Variants in SLC25A26 observed in about 807,000 individuals in gnomAD.
SLC25A26 encodes mitochondrial S-adenosylmethionine carrier protein.
A neutral mutation model predicts 37.8 loss-of-function variants in SLC25A26; 36 were observed. The ratio of observed to expected loss-of-function variants is 0.95; its 90% CI spans 0.73 to 1.26. The LOEUF (loss-of-function observed/expected upper bound fraction) is 1.26. Among genes scored for constraint, SLC25A26 ranks in the 50% most tolerant of loss-of-function variants. The pLI is 0.00. For synonymous variants in SLC25A26, 129 were observed against 122.5 expected (o/e 1.05, Z -0.35); for missense variants, 390 against 331.1 (o/e 1.18, Z -1.38).
intron 5 of SLC25A26, among the ~76,000 whole-genome samples, chr3:66,270,007 G>A (rs753694994): frequency 6.6e-6 from 1 of 152,054 alleles, no homozygotes; most frequent in African/African-American, 2.4e-5. Context: ...ACTGCTTTAA[G>A]TTTGACTTAT....
intron 5 of SLC25A26, among the ~76,000 whole-genome samples, chr3:66,295,134 CAGGCATCACTCATGTTTTG>C (rs1404310604): frequency 2.6e-5 from 4 of 152,164 alleles, no homozygotes; most frequent in Non-Finnish European, 4.4e-5. Context: ...GGATGTTAAA[CAGGCATCACTCATGTTTTG>C]AGGCATCTTG....
At chr3:66,275,452 T>G (rs151292013) in intron 5 of SLC25A26, among the ~76,000 whole-genome samples, 1 of 152,016 alleles carries the variant, frequency 6.6e-6, no homozygotes, top group African/African-American at 2.4e-5. Flanking sequence ...CTAGAATGTA[T>G]GCATCAGGAG....
At chr3:66,322,721 C>T (rs964197505) in intron 5 of SLC25A26, among the ~76,000 whole-genome samples, 2 of 152,064 alleles carry the variant, frequency 1.3e-5, no homozygotes, top group Non-Finnish European at 2.9e-5. Flanking sequence ...ATGGCTTCAA[C>T]TTCTAACTGA....
chr3:66,290,056 A>T (rs2074652440), intron 5 of SLC25A26, among the ~76,000 whole-genome samples: 2 of 152,116 alleles, frequency 1.3e-5, no homozygotes, highest in Admixed American at 6.5e-5. Flanking sequence ...TTGTAGTCCT[A>T]GGTATTTTAT....
At chr3:66,187,882 G>T (rs972974617) in intron 1 of SLC25A26, among the ~76,000 whole-genome samples, 1 of 151,954 alleles carries the variant, frequency 6.6e-6, no homozygotes, top group Non-Finnish European at 1.5e-5. Flanking sequence ...CTCTGAAGCT[G>T]AAGCTTACCC....
chr3:66,278,368 C>T (rs2107423249), intron 5 of SLC25A26, among the ~76,000 whole-genome samples: 1 of 152,140 alleles, frequency 6.6e-6, no homozygotes, highest in East Asian at 1.9e-4. Flanking sequence ...TGTAGAAGGA[C>T]TTAAGATGAA....
At chr3:66,332,085 C>T (rs902565909) in intron 5 of SLC25A26, among the ~76,000 whole-genome samples, 2 of 151,926 alleles carry the variant, frequency 1.3e-5, no homozygotes, top group Non-Finnish European at 2.9e-5. Flanking sequence ...GTGCGCGACA[C>T]CAAAAATTAG....
At chr3:66,260,627 G>T (rs573339570) in intron 3 of SLC25A26, among the ~76,000 whole-genome samples, 1 of 152,096 alleles carries the variant, frequency 6.6e-6, no homozygotes, top group Non-Finnish European at 1.5e-5. Flanking sequence ...CACATCACAT[G>T]GTGTCTTTGT....
intron 5 of SLC25A26, among the ~76,000 whole-genome samples, chr3:66,299,076 A>ATACG (rs753656247): frequency 1.3e-5 from 2 of 152,214 alleles, no homozygotes; most frequent in Non-Finnish European, 2.9e-5. Context: ...GTACACATGA[A>ATACG]TACGTACCTA....
intron 6 of SLC25A26, chr3:66,355,912 C>T: frequency 4.6e-6 from 2 of 430,496 alleles, no homozygotes; most frequent in South Asian, 3.4e-5. Flanking sequence ...TTATCCTTTC[C>T]ATTATCTTAA....
chr3:66,255,334 A>G (rs1157486009), intron 3 of SLC25A26, among the ~76,000 whole-genome samples: 2 of 152,178 alleles, frequency 1.3e-5, no homozygotes, highest in Non-Finnish European at 1.5e-5. Flanking sequence ...GCAGCAGTCA[A>G]TTAAAAACAA....
At position 66,370,513 on chromosome 3, in the gene SLC25A26, TTGTC is replaced by T. The variant is rs756517522; in HGVS notation, c.634-12_634-9del. ...GCTTCAGAAGATAACGGGTTTCTCT[TTGTC>T]TGTTCACACAGGCTGGCTCCAGCAC... On this transcript the variant is annotated splice_polypyrimidine_tract_variant and intron_variant, in intron 8 of 9. Coordinates refer to ENST00000354883, the MANE Select transcript of SLC25A26 (RefSeq NM_001379210.1). The T allele has an allele frequency of 3.1e-6, 5 of 1,611,548 alleles. No homozygotes were observed. Among genetic ancestry groups the T allele is most frequent in the Non-Finnish European group, 4.2e-6 (5 of 1,178,202 alleles).
intron 1 of SLC25A26, among the ~76,000 whole-genome samples, chr3:66,202,233 C>G (rs2071120414): frequency 6.6e-6 from 1 of 151,946 alleles, no homozygotes; most frequent in Non-Finnish European, 1.5e-5. Flanking sequence ...AAGCTGGAAG[C>G]CATCATTCTC....
intron 5 of SLC25A26, among the ~76,000 whole-genome samples, chr3:66,275,089 A>G (rs1340233395): frequency 6.6e-6 from 1 of 152,068 alleles, no homozygotes; most frequent in African/African-American, 2.4e-5. Flanking sequence ...TGATGAGTTA[A>G]TGTCCTTTGT....
intron 2 of SLC25A26, 36 bp downstream of exon 2, chr3:66,236,736 A>G (rs188508357): frequency 6.9e-7 from 1 of 1,443,086 alleles, no homozygotes; most frequent in Non-Finnish European, 9.3e-7. Flanking sequence ...TAAAGCCAAG[A>G]TAAGATGGGA....
chr3:66,244,901 C>T (rs1195537926), intron 3 of SLC25A26, among the ~76,000 whole-genome samples: 5 of 151,876 alleles, frequency 3.3e-5, no homozygotes, highest in Non-Finnish European at 4.4e-5. Context: ...GGCATGAACC[C>T]GGGAGGCAGA....
chr3:66,356,784 C>T (rs76077227), intron 6 of SLC25A26, among the ~76,000 whole-genome samples: 1,585 of 152,144 alleles, frequency 0.01, 37 homozygotes, highest in African/African-American at 0.036. Flanking sequence ...TGTGCCAACA[C>T]GTCTGGCTAA....
chr3:66,276,544 A>C (rs1347505303), intron 5 of SLC25A26, among the ~76,000 whole-genome samples: 1 of 152,104 alleles, frequency 6.6e-6, no homozygotes, highest in Non-Finnish European at 1.5e-5. Flanking sequence ...GATGCTTCTA[A>C]AACAGCCATT....
chr3:66,347,893 C>T (rs948190518), intron 6 of SLC25A26, among the ~76,000 whole-genome samples: 7 of 152,198 alleles, frequency 4.6e-5, no homozygotes, highest in Admixed American at 2.0e-4. Context: ...GCAAACACTG[C>T]ATGTTCTCAC....
Sources: allele counts gnomAD v4.1 joint callset (sites outside exome capture counted in the v4.1 genomes callset), GRCh38; gene constraint gnomAD v4.1.1; transcripts MANE v1.5; gene names NCBI Gene and HGNC (gene_info 2026-07-23, HGNC 2026-07-21).